The following NFYC variants were observed in gnomAD, a reference collection of about 807,000 sequenced individuals.
NFYC encodes the protein nuclear transcription factor Y subunit gamma.
A neutral mutation model predicts 53.1 loss-of-function variants in NFYC; 25 were observed. That is an observed-to-expected ratio of 0.47 (90% CI 0.34 to 0.66). NFYC has a LOEUF of 0.66. Among genes scored for constraint, NFYC ranks in the 30% least tolerant of loss-of-function variants. The pLI is 0.01. For missense variants in NFYC, 260 were observed against 422.7 expected, an observed-to-expected ratio of 0.62 and a Z score of 3.38; for synonymous variants, 145 against 152.6, an observed-to-expected ratio of 0.95 and a Z score of 0.37.
intron 4 of NFYC, among the ~76,000 whole-genome samples, chr1:40,752,025 C>T (rs564277177): frequency 6.6e-6 from 1 of 152,300 alleles, no homozygotes; most frequent in South Asian, 2.1e-4. Flanking sequence ...CCATCCTCTC[C>T]TGTTTTGTCC....
chr1:40,725,827 A>G (rs1483441044), intron 1 of NFYC, among the ~76,000 whole-genome samples: 1 of 152,234 alleles, frequency 6.6e-6, no homozygotes, highest in Non-Finnish European at 1.5e-5. Flanking sequence ...ACATTATAAT[A>G]AAGAGAGTCA....
intron 1 of NFYC, among the ~76,000 whole-genome samples, chr1:40,696,606 G>A (rs1208905363): frequency 6.6e-6 from 1 of 152,162 alleles, no homozygotes; most frequent in Non-Finnish European, 1.5e-5. Context: ...TCCTGTGGAC[G>A]CATTGACTTG....
rs181041297 is a variant in NFYC at position 40,714,808 on chromosome 1, T to C, written c.-9+22941T>C. Among the ~76,000 whole-genome samples the C allele has an allele frequency of 1.8e-3, 279 of 152,112 alleles. 3 individuals are homozygous for C. Among genetic ancestry groups the C allele is most frequent in the African/African-American group, 6.3e-3 (260 of 41,498 alleles). On this transcript the variant is annotated intron_variant, in intron 1 of 9. Transcript: ENST00000447388. ...AAAAAAAAATTTTGAGGGCAGGGCG[T>C]GGTGGCTCACGCCTGTAATCCCAGC...
intron 2 of NFYC, among the ~76,000 whole-genome samples, chr1:40,745,889 A>G (rs1365979216): frequency 1.3e-5 from 2 of 152,060 alleles, no homozygotes; most frequent in African/African-American, 4.8e-5. Context: ...TTCTTTTTTA[A>G]ATAGTGATGG....
At chr1:40,701,702 A>G (rs1643444156) in intron 1 of NFYC, among the ~76,000 whole-genome samples, 1 of 152,202 alleles carries the variant, frequency 6.6e-6, no homozygotes, top group South Asian at 2.1e-4. Context: ...GTTACAGTAG[A>G]CTTTAATCTC....
chr1:40,743,259 A>T (rs1185634125), intron 2 of NFYC, among the ~76,000 whole-genome samples: 3 of 152,204 alleles, frequency 2.0e-5, no homozygotes, highest in African/African-American at 7.2e-5. Context: ...GTTGTCTATA[A>T]ATCCAGGTGG....
chr1:40,747,899 G>A (rs1407043381), intron 3 of NFYC, among the ~76,000 whole-genome samples: 2 of 150,288 alleles, frequency 1.3e-5, no homozygotes, highest in Non-Finnish European at 3.0e-5. Context: ...GCAGTGGTGC[G>A]AGCTTAGCTC....
At chr1:40,694,312 A>G (rs1192527881) in intron 1 of NFYC, among the ~76,000 whole-genome samples, 1 of 152,232 alleles carries the variant, frequency 6.6e-6, no homozygotes, top group Non-Finnish European at 1.5e-5. Flanking sequence ...TTAAGACTGG[A>G]TAGGACAAAA....
At chr1:40,733,299 G>A (rs6668453) in intron 1 of NFYC, among the ~76,000 whole-genome samples, 32,304 of 151,216 alleles carry the variant, frequency 0.21, 4,079 homozygotes, top group East Asian at 0.41. Context: ...CCCAAGGGAG[G>A]GACCAGTTCC....
At chr1:40,749,141 T>G (rs1388607068) in intron 3 of NFYC, among the ~76,000 whole-genome samples, 2 of 152,230 alleles carry the variant, frequency 1.3e-5, no homozygotes, top group Non-Finnish European at 2.9e-5. Context: ...ATCCTCTTTT[T>G]CAGTACATGA....
chr1:40,759,923 A>G (rs1460378567), intron 6 of NFYC, among the ~76,000 whole-genome samples: 1 of 152,116 alleles, frequency 6.6e-6, no homozygotes, highest in Admixed American at 6.5e-5. Flanking sequence ...GAGTTTGCCT[A>G]GAAGAAAAAA....
chr1:40,721,889 G>C (rs2148493738), intron 1 of NFYC, among the ~76,000 whole-genome samples: 1 of 152,208 alleles, frequency 6.6e-6, no homozygotes, highest in African/African-American at 2.4e-5. Context: ...AAGAATTGAA[G>C]GCCGGGCGCG....
intron 1 of NFYC, among the ~76,000 whole-genome samples, chr1:40,737,187 A>C (rs1030438626): frequency 6.6e-6 from 1 of 151,814 alleles, no homozygotes; most frequent in Non-Finnish European, 1.5e-5. Context: ...CAGGCATTTC[A>C]GAATTTCAGA....
chr1:40,733,601 C>G (rs1423759893), intron 1 of NFYC, among the ~76,000 whole-genome samples: 3 of 151,450 alleles, frequency 2.0e-5, no homozygotes, highest in Non-Finnish European at 4.4e-5. Flanking sequence ...CAGGGTCTCC[C>G]TCTGTTGCCC....
chr1:40,726,472 T>C (rs1256187302), intron 1 of NFYC, among the ~76,000 whole-genome samples: 1 of 151,140 alleles, frequency 6.6e-6, no homozygotes, highest in African/African-American at 2.4e-5. Context: ...TACAGTGTCA[T>C]GATCTTGGCT....
chr1:40,754,383 T>C (rs765470560), intron 5 of NFYC: 1 of 534,544 alleles, frequency 1.9e-6, no homozygotes, highest in South Asian at 1.4e-5. Context: ...TAAACATCCT[T>C]GACTGGAAGC....
chr1:40,721,257 A>G (rs1644317087), intron 1 of NFYC, among the ~76,000 whole-genome samples: 1 of 152,254 alleles, frequency 6.6e-6, no homozygotes, highest in African/African-American at 2.4e-5. Flanking sequence ...GCTATTGCAG[A>G]AGAGCCTTAA....
In NFYC at chr1:40,740,337, T is replaced by G. The variant is rs1159182634; in HGVS notation, c.105+1389T>G. ...ATGCTAGATACTGTGGATACAGTAA[T>G]GAACCAGACAGACAGGATCATTGCG... is the stretch of plus-strand genomic sequence containing the variant. On this transcript the variant is annotated intron_variant, in intron 2 of 9. Transcript: ENST00000447388. Among the ~76,000 whole-genome samples, 3 of 152,230 alleles carry G rather than the reference T, an allele frequency of 2.0e-5. No homozygotes were observed. In the East Asian group the frequency reaches 5.8e-4, roughly 29 times the overall value.
chr1:40,701,548 A>G (rs1159302628), intron 1 of NFYC, among the ~76,000 whole-genome samples: 1 of 152,206 alleles, frequency 6.6e-6, no homozygotes, highest in Non-Finnish European at 1.5e-5. Context: ...TAATTCTCCT[A>G]AGAAGCTTTC....
Sources: gnomAD v4.1 joint callset for allele counts (sites outside exome capture counted in the v4.1 genomes callset) on GRCh38, gnomAD v4.1.1 for gene constraint, MANE v1.5 for transcripts, NCBI Gene and HGNC (gene_info 2026-07-23, HGNC 2026-07-21) for gene names.